Variants in NCAM2 observed in about 807,000 individuals in gnomAD.
The protein encoded by NCAM2 is N-CAM-2.
NCAM2 carries 30 observed loss-of-function variants against 98.1 expected under a neutral mutation model. The ratio of observed to expected loss-of-function variants is 0.31; its 90% CI spans 0.23 to 0.41. The LOEUF (loss-of-function observed/expected upper bound fraction) is 0.41. Among genes scored for constraint, NCAM2 ranks in the 10% least tolerant of loss-of-function variants. NCAM2 has a pLI of 1.00. For synonymous variants in NCAM2, 368 were observed against 342.4 expected, an observed-to-expected ratio of 1.07 and a Z score of -0.83; for missense variants, 867 against 1,005.8, an observed-to-expected ratio of 0.86 and a Z score of 1.87.
chr21:21,411,081 T>TATATGTGTATATATATATACAC (rs2076860734), intron 10 of NCAM2, among the ~76,000 whole-genome samples: 1 of 11,998 alleles, frequency 8.3e-5, no homozygotes, highest in Non-Finnish European at 1.8e-4. Flanking sequence ...CACACACATA[T>TATATGTGTATATATATATACAC]ATATATGTGT....
rs1267611443 is a variant in NCAM2 at position 21,262,533 on chromosome 21, C to T, written c.56-18045C>T. Among the ~76,000 whole-genome samples the T allele has an allele frequency of 8.6e-5, 13 of 151,822 alleles. No homozygotes were observed. In the East Asian group the frequency reaches 2.5e-3, roughly 29 times the overall value. On this transcript the variant is annotated intron_variant, in intron 1 of 17. Coordinates refer to ENST00000400546, the MANE Select transcript of NCAM2 (RefSeq NM_004540.5). Reference sequence around the variant, plus strand: ...AGAGCTATATTTGACTAACCAATGGCCGACATCATACTGAATGAGCAAAAG... The same window carrying T: ...AGAGCTATATTTGACTAACCAATGGTCGACATCATACTGAATGAGCAAAAG...
At chr21:21,352,093 G>T (rs944155296) in intron 8 of NCAM2, among the ~76,000 whole-genome samples, 1 of 151,762 alleles carries the variant, frequency 6.6e-6, no homozygotes, top group Non-Finnish European at 1.5e-5. Flanking sequence ...TTGAGAAAGG[G>T]TCTTGCTTTG....
intron 1 of NCAM2, chr21:21,239,376 A>G (rs554383801): frequency 6.6e-6 from 1 of 152,350 alleles, no homozygotes; most frequent in Non-Finnish European, 1.5e-5. Context: ...AGGAGACAGG[A>G]TGCAAGCAGT....
At chr21:21,196,120 G>A (rs562781165) in intron 1 of NCAM2, among the ~76,000 whole-genome samples, 9 of 152,232 alleles carry the variant, frequency 5.9e-5, no homozygotes, top group East Asian at 3.9e-4. Flanking sequence ...GTCCTATGGC[G>A]TGGTGGACAC....
At chr21:21,488,536 A>G (rs1403993377) in intron 15 of NCAM2, among the ~76,000 whole-genome samples, 1 of 152,004 alleles carries the variant, frequency 6.6e-6, no homozygotes, top group Non-Finnish European at 1.5e-5. Context: ...GAGAAATAAA[A>G]CCTTAAAATT....
chr21:21,537,989 C>A lies in NCAM2; in HGVS notation c.*32C>A. The A allele has an allele frequency of 7.8e-7, 1 of 1,285,186 alleles. No homozygotes were observed. Among genetic ancestry groups the A allele is most frequent in the Non-Finnish European group, 1.1e-6 (1 of 925,450 alleles). The allele number at this position is 1,285,186 out of a possible 1,614,324, so 79.6% of individuals were successfully genotyped here. On this transcript the variant is annotated 3_prime_UTR_variant, in exon 18 of 18. Coordinates refer to ENST00000400546, the MANE Select transcript of NCAM2 (RefSeq NM_004540.5). ...TATTACAGGGGCTTGAACAACACTACGAAGAGTATTTGGATTGCGTGACCC... is the reference window on the plus strand; with the variant it reads ...TATTACAGGGGCTTGAACAACACTAAGAAGAGTATTTGGATTGCGTGACCC...
chr21:21,084,576 G>C (rs1448857511), intron 1 of NCAM2, among the ~76,000 whole-genome samples: 1 of 152,140 alleles, frequency 6.6e-6, no homozygotes, highest in Admixed American at 6.5e-5. Context: ...AAGTATGTAT[G>C]ATGTTTAAGT....
chr21:21,020,379 A>G (rs1323777555), intron 1 of NCAM2, among the ~76,000 whole-genome samples: 2 of 152,120 alleles, frequency 1.3e-5, no homozygotes, highest in African/African-American at 4.8e-5. Context: ...TCCACTCTCA[A>G]GGACTTTCCC....
intron 1 of NCAM2, among the ~76,000 whole-genome samples, chr21:21,231,427 CAG>C (rs1359118978): frequency 1.3e-5 from 2 of 151,112 alleles, no homozygotes; most frequent in East Asian, 1.9e-4. Flanking sequence ...GAAAAAGAAA[CAG>C]AATATAAAAT....
At chr21:21,460,125 TATC>T (rs1411032871) in intron 12 of NCAM2, among the ~76,000 whole-genome samples, 1 of 151,918 alleles carries the variant, frequency 6.6e-6, no homozygotes, top group Non-Finnish European at 1.5e-5. Flanking sequence ...TATACAGTAA[TATC>T]ATTTTTCTTA....
intron 1 of NCAM2, among the ~76,000 whole-genome samples, chr21:21,011,939 C>T (rs1377109560): frequency 6.6e-6 from 1 of 152,018 alleles, no homozygotes; most frequent in Non-Finnish European, 1.5e-5. Context: ...GAGATATCAC[C>T]TCACACCTGG....
intron 11 of NCAM2, among the ~76,000 whole-genome samples, chr21:21,420,855 T>C (rs2077096619): frequency 6.6e-6 from 1 of 151,822 alleles, no homozygotes; most frequent in Non-Finnish European, 1.5e-5. Context: ...GCAAATTAAA[T>C]TATAAGAAAA....
At chr21:21,444,482 T>C (rs1024175674) in intron 12 of NCAM2, among the ~76,000 whole-genome samples, 1 of 152,066 alleles carries the variant, frequency 6.6e-6, no homozygotes, top group Non-Finnish European at 1.5e-5. Flanking sequence ...TTTTGGTTGG[T>C]AGGCTATTAA....
intron 8 of NCAM2, among the ~76,000 whole-genome samples, chr21:21,360,707 T>C (rs571816331): frequency 1.1e-4 from 17 of 152,006 alleles, no homozygotes; most frequent in Non-Finnish European, 2.4e-4. Flanking sequence ...AAGAAACATT[T>C]CTGGCAAAAC....
At chr21:21,282,948 C>T (rs1188355545) in intron 2 of NCAM2, among the ~76,000 whole-genome samples, 1 of 151,578 alleles carries the variant, frequency 6.6e-6, no homozygotes, top group East Asian at 1.9e-4. Flanking sequence ...ATCAGAATAT[C>T]CTATTTAACT....
At chr21:21,387,734 A>G (rs1396894241) in intron 9 of NCAM2, among the ~76,000 whole-genome samples, 3 of 152,242 alleles carry the variant, frequency 2.0e-5, no homozygotes, top group Non-Finnish European at 4.4e-5. Flanking sequence ...AATCAGCCGT[A>G]TGGTACACAC....
chr21:21,006,743 G>C (rs1418030465), intron 1 of NCAM2, among the ~76,000 whole-genome samples: 2 of 152,162 alleles, frequency 1.3e-5, no homozygotes, highest in Non-Finnish European at 2.9e-5. Flanking sequence ...TCGTGAAGTT[G>C]AAAGTGCAGC....
At chr21:21,241,453 A>T (rs1022339653) in intron 1 of NCAM2, among the ~76,000 whole-genome samples, 1 of 152,176 alleles carries the variant, frequency 6.6e-6, no homozygotes, top group Non-Finnish European at 1.5e-5. Context: ...TATTTTATAA[A>T]TTATGGAATT....
intron 9 of NCAM2, among the ~76,000 whole-genome samples, chr21:21,376,996 A>C (rs1425188480): frequency 3.3e-5 from 5 of 151,734 alleles, no homozygotes; most frequent in Non-Finnish European, 5.9e-5. Flanking sequence ...CTTTCATGTA[A>C]ATATAACTAC....
Sources: gnomAD v4.1 joint callset for allele counts (sites outside exome capture counted in the v4.1 genomes callset) on GRCh38, gnomAD v4.1.1 for gene constraint, MANE v1.5 for transcripts, NCBI Gene and HGNC (gene_info 2026-07-23, HGNC 2026-07-21) for gene names.